The following AUTS2 variants were observed in gnomAD, a reference collection of about 807,000 sequenced individuals.
The protein encoded by AUTS2 is activator of transcription and developmental regulator AUTS2, also known as autism susceptibility gene 2 protein.
A neutral mutation model predicts 112.4 loss-of-function variants in AUTS2; 17 were observed. The observed-to-expected ratio is 0.15, with a 90% CI of 0.10 to 0.23. The LOEUF (loss-of-function observed/expected upper bound fraction) is 0.23, where lower values mean the gene tolerates loss of function less well. AUTS2 is among the 10% of genes least tolerant of loss of function. The pLI, the probability that AUTS2 is intolerant of heterozygous loss-of-function variation, is 1.00. For missense variants in AUTS2, 1,510 were observed against 1,701.6 expected (o/e 0.89, Z 1.98); for synonymous variants, 751 against 702.7 (o/e 1.07, Z -1.09).
chr7:70,682,159 A>T (rs1383295751), intron 5 of AUTS2, among the ~76,000 whole-genome samples: 1 of 152,196 alleles, frequency 6.6e-6, no homozygotes, highest in Non-Finnish European at 1.5e-5. Context: ...TTTCTATTTG[A>T]AACTGAAATC....
At chr7:70,203,974 A>G (rs1034587294) in intron 4 of AUTS2, among the ~76,000 whole-genome samples, 1 of 152,074 alleles carries the variant, frequency 6.6e-6, no homozygotes, top group African/African-American at 2.4e-5. Context: ...AAAAAAAAAA[A>G]AAAAAGACAC....
At chr7:70,677,368 A>G (rs1807968626) in intron 5 of AUTS2, among the ~76,000 whole-genome samples, 1 of 151,994 alleles carries the variant, frequency 6.6e-6, no homozygotes, top group Admixed American at 6.6e-5. Context: ...GGTCTTCTAA[A>G]TTCATCTCGT....
At chr7:69,613,936 A>G (rs183475883) in intron 1 of AUTS2, among the ~76,000 whole-genome samples, 2 of 152,290 alleles carry the variant, frequency 1.3e-5, no homozygotes, top group Admixed American at 1.3e-4. Context: ...TCCTTTCATT[A>G]TTCTAAGCAG....
intron 5 of AUTS2, among the ~76,000 whole-genome samples, chr7:70,657,927 C>G (rs1055193129): frequency 6.6e-6 from 1 of 152,168 alleles, no homozygotes; most frequent in South Asian, 2.1e-4. Context: ...TGACTCGTTT[C>G]CCAATCTATG....
intron 5 of AUTS2, among the ~76,000 whole-genome samples, chr7:70,481,739 G>C (rs1044141320): frequency 6.6e-6 from 1 of 152,130 alleles, no homozygotes; most frequent in African/African-American, 2.4e-5. Context: ...AAGTGTTTGG[G>C]GTCCTATCTG....
chr7:69,894,150 C>T (rs1391317520), intron 1 of AUTS2, among the ~76,000 whole-genome samples: 1 of 150,196 alleles, frequency 6.7e-6, no homozygotes, highest in East Asian at 2.0e-4. Flanking sequence ...GCCAATATGT[C>T]TAAATCTTTT....
chr7:69,996,289 C>G (rs1798940303), intron 2 of AUTS2, among the ~76,000 whole-genome samples: 1 of 152,174 alleles, frequency 6.6e-6, no homozygotes, highest in South Asian at 2.1e-4. Context: ...CTGTCTGCTC[C>G]CTCTCTTCTG....
At chr7:69,794,993 T>G (rs1789777582) in intron 1 of AUTS2, among the ~76,000 whole-genome samples, 2 of 152,198 alleles carry the variant, frequency 1.3e-5, no homozygotes, top group African/African-American at 2.4e-5. Flanking sequence ...GGAGCCGATC[T>G]TCTTGAGTTC....
At chr7:70,278,613 ACATACATACAT>A (rs1367418842) in intron 4 of AUTS2, among the ~76,000 whole-genome samples, 1 of 151,702 alleles carries the variant, frequency 6.6e-6, no homozygotes, top group Non-Finnish European at 1.5e-5. Context: ...ATACATACAT[ACATACATACAT>A]ATGTACATGC....
chr7:69,677,475 C>T (rs1236321458), intron 1 of AUTS2, among the ~76,000 whole-genome samples: 6 of 152,154 alleles, frequency 3.9e-5, no homozygotes, highest in Admixed American at 6.5e-5. Flanking sequence ...GCCAGCGTTT[C>T]CCTTCTATAG....
At chr7:70,358,789 C>A (rs1341059412) in intron 4 of AUTS2, among the ~76,000 whole-genome samples, 1 of 152,224 alleles carries the variant, frequency 6.6e-6, no homozygotes, top group Non-Finnish European at 1.5e-5. Flanking sequence ...CTGGATCTAA[C>A]CTGTATTGCC....
intron 4 of AUTS2, among the ~76,000 whole-genome samples, chr7:70,147,375 T>G (rs1807184743): frequency 6.6e-6 from 1 of 152,122 alleles, no homozygotes; most frequent in African/African-American, 2.4e-5. Flanking sequence ...AATATTGAAA[T>G]GAGTGTGTAG....
chr7:70,562,830 T>C (rs1801547339), intron 5 of AUTS2, among the ~76,000 whole-genome samples: 1 of 152,190 alleles, frequency 6.6e-6, no homozygotes, highest in Admixed American at 6.5e-5. Context: ...AATGAATGAA[T>C]GAATGGACAA....
intron 4 of AUTS2, among the ~76,000 whole-genome samples, chr7:70,161,381 G>A (rs771724677): frequency 1.3e-5 from 2 of 151,538 alleles, no homozygotes; most frequent in Non-Finnish European, 2.9e-5. Flanking sequence ...TAAATGGGAT[G>A]TTCTTTCTTT....
At chr7:70,009,173 A>G (rs2129553987) in intron 2 of AUTS2, among the ~76,000 whole-genome samples, 1 of 152,290 alleles carries the variant, frequency 6.6e-6, no homozygotes. Flanking sequence ...AGAGAGCATG[A>G]GAGCAAGAGG....
At chr7:70,543,439 G>T (rs1280844138) in intron 5 of AUTS2, among the ~76,000 whole-genome samples, 2 of 151,252 alleles carry the variant, frequency 1.3e-5, no homozygotes, top group Non-Finnish European at 2.9e-5. Flanking sequence ...TGAGGCACGA[G>T]AATCGCTTGA....
At chr7:70,000,308 G>A (rs1466158041) in intron 2 of AUTS2, among the ~76,000 whole-genome samples, 2 of 152,152 alleles carry the variant, frequency 1.3e-5, no homozygotes, top group African/African-American at 2.4e-5. Flanking sequence ...ATCAAAAAGA[G>A]CTTTGTATCC....
At position 70,205,747 on chromosome 7, in the gene AUTS2, G is replaced by A. The variant is rs1810541750; in HGVS notation, c.660+71176G>A. Among the ~76,000 whole-genome samples the A allele has an allele frequency of 2.0e-5, 3 of 152,044 alleles. No individual in the cohort carries two copies. The South Asian group carries it at 6.2e-4, about 32-fold the overall frequency. ...ACGTATGCCCATTGTTAAGCAAAGCGAGACTGTAATTGACCTAAGGTCACA... is the reference window on the plus strand; with the variant it reads ...ACGTATGCCCATTGTTAAGCAAAGCAAGACTGTAATTGACCTAAGGTCACA... On this transcript the variant is annotated intron_variant, in intron 4 of 18. Transcript: ENST00000342771.
At position 70,782,033 on chromosome 7, in the gene AUTS2, C is replaced by T. The variant is rs1287313720; in HGVS notation, c.2146+277C>T. On this transcript the variant is annotated intron_variant, in intron 15 of 18. Transcript: ENST00000342771. ...GCTTCTATATTAAACCAGTATAACT[C>T]ACAAGCATGTCAGTTGCTATTGAGA... 2.2e-5 allele frequency: 9 copies of T among 404,212 alleles called. 1 individual carries two copies. The highest frequency in any genetic ancestry group is 6.6e-4 in the Middle Eastern group (1 of 1,524). The allele number at this position is 404,212 out of a possible 1,614,324, so 25.0% of individuals were successfully genotyped here.
Sources: allele counts gnomAD v4.1 joint callset (sites outside exome capture counted in the v4.1 genomes callset), GRCh38; gene constraint gnomAD v4.1.1; transcripts MANE v1.5; gene names NCBI Gene and HGNC (gene_info 2026-07-23, HGNC 2026-07-21).